The following ZNF618 variants were observed in gnomAD, a reference collection of about 807,000 sequenced individuals.
ZNF618 encodes neural precursor cell expressed, developmentally down-regulated 10.
A neutral mutation model predicts 103.0 loss-of-function variants in ZNF618; 34 were observed. The observed-to-expected ratio is 0.33, with a 90% CI of 0.25 to 0.44. The LOEUF (loss-of-function observed/expected upper bound fraction) is 0.44. Among genes scored for constraint, ZNF618 ranks in the 20% least tolerant of loss-of-function variants. The pLI is 1.00. For missense variants in ZNF618, 1,059 were observed against 1,295.4 expected, an observed-to-expected ratio of 0.82 and a Z score of 2.80; for synonymous variants, 551 against 542.2, an observed-to-expected ratio of 1.02 and a Z score of -0.23.
At chr9:113,920,470 CGGTTCATTGGAACTTCCACCTTCTA>C (rs1235139173) in intron 1 of ZNF618, among the ~76,000 whole-genome samples, 1 of 149,578 alleles carries the variant, frequency 6.7e-6, no homozygotes, top group African/African-American at 2.5e-5. Flanking sequence ...GGTGTGATCT[CGGTTCATTGGAACTTCCACCTTCTA>C]GGTTCAAGCG....
At chr9:113,895,703 G>A (rs1023331368) in intron 1 of ZNF618, among the ~76,000 whole-genome samples, 2 of 152,108 alleles carry the variant, frequency 1.3e-5, no homozygotes, top group African/African-American at 4.8e-5. Flanking sequence ...TTAGTGTTTT[G>A]TAAGAGTGTA....
intron 1 of ZNF618, among the ~76,000 whole-genome samples, chr9:113,900,934 C>T (rs1219658867): frequency 4.9e-5 from 3 of 60,944 alleles, no homozygotes; most frequent in Non-Finnish European, 9.5e-5. Context: ...TGTCTCCTAG[C>T]ACCGTCCTCT....
chr9:113,934,244 T>G (rs1408154990), intron 1 of ZNF618, among the ~76,000 whole-genome samples: 1 of 152,062 alleles, frequency 6.6e-6, no homozygotes, highest in African/African-American at 2.4e-5. Flanking sequence ...CTGGGCTTGA[T>G]GGACTTAGAC....
intron 1 of ZNF618, among the ~76,000 whole-genome samples, chr9:113,933,859 G>A (rs541867286): frequency 1.5e-4 from 23 of 152,152 alleles, no homozygotes; most frequent in South Asian, 1.5e-3. Context: ...GGCATGGCAG[G>A]GCAAGGGTGA....
At chr9:114,034,242 A>G (rs538085676) in intron 12 of ZNF618, among the ~76,000 whole-genome samples, 11 of 152,204 alleles carry the variant, frequency 7.2e-5, no homozygotes, top group African/African-American at 2.4e-4. Context: ...AATCCACCCA[A>G]CCTCTCCAAG....
At chr9:113,961,040 C>T (rs1020957024) in intron 1 of ZNF618, among the ~76,000 whole-genome samples, 1 of 152,214 alleles carries the variant, frequency 6.6e-6, no homozygotes, top group Admixed American at 6.5e-5. Flanking sequence ...CTGCCCTGCA[C>T]GAGGTGCATG....
chr9:114,029,021 T>C, intron 11 of ZNF618, 49 bp downstream of exon 11: 1 of 1,522,258 alleles, frequency 6.6e-7, no homozygotes, highest in Non-Finnish European at 8.8e-7. Context: ...ACTGCCCTTC[T>C]CACCACCTGC....
In ZNF618 at chr9:114,050,098, C is replaced by T; in HGVS notation, c.2796C>T (p.Ile932=). The T allele has an allele frequency of 6.2e-7, 1 of 1,609,742 alleles. No individual in the cohort carries two copies. Among genetic ancestry groups the T allele is most frequent in the Non-Finnish European group, 8.5e-7 (1 of 1,178,536 alleles). Reference sequence around the variant, plus strand: ...ATATGTGTGAACAAGCGCTTCTAATCAAACGGAGGCGGCTGCTCAGTCCAG... The same window carrying T: ...ATATGTGTGAACAAGCGCTTCTAATTAAACGGAGGCGGCTGCTCAGTCCAG... ...CVNMCEQALL[I]KRRRLLSPED... Residue 932 remains isoleucine (I), a synonymous_variant, in exon 15 of 15, where the codon ATC becomes ATT. Coordinates refer to ENST00000374126, the MANE Select transcript of ZNF618 (RefSeq NM_001318042.2).
At chr9:113,941,670 T>C (rs1834559789) in intron 1 of ZNF618, among the ~76,000 whole-genome samples, 1 of 152,232 alleles carries the variant, frequency 6.6e-6, no homozygotes, top group African/African-American at 2.4e-5. Flanking sequence ...AATACTAGAC[T>C]GAGTCTTACT....
chr9:113,979,635 A>G (rs1223883384), intron 2 of ZNF618, among the ~76,000 whole-genome samples: 1 of 152,244 alleles, frequency 6.6e-6, no homozygotes, highest in East Asian at 1.9e-4. Context: ...CAGAGGCTAC[A>G]GGTGCCTCCA....
chr9:113,902,996 A>C lies in ZNF618; in HGVS notation c.33+26583A>C, dbSNP rs541830294. ...GAGGCCTTTTTTATGATGTGTACCC[A>C]GGTGTGGAATTTAGGATAGAATGAA... is the stretch of plus-strand genomic sequence containing the variant. On this transcript the variant is annotated intron_variant, in intron 1 of 14. Coordinates refer to ENST00000374126, the MANE Select transcript of ZNF618 (RefSeq NM_001318042.2). Among the ~76,000 whole-genome samples the C allele has an allele frequency of 2.8e-4, 42 of 152,250 alleles. No individual in the cohort carries two copies. The South Asian group carries it at 4.8e-3, about 17-fold the overall frequency.
rs552894504 is a variant in ZNF618 at position 113,947,465 on chromosome 9, A to G, written c.34-21652A>G. ...ACACCAGCCAGGTCCTCCTGCTAAC[A>G]TGTTCCTTGAGATGTCCATCTTATT... On this transcript the variant is annotated intron_variant, in intron 1 of 14. Coordinates refer to ENST00000374126, the MANE Select transcript of ZNF618 (RefSeq NM_001318042.2). 1.9e-4 allele frequency among the ~76,000 whole-genome samples: 29 copies of G among 152,306 alleles called. No individual in the cohort carries two copies. The East Asian group carries it at 5.4e-3, about 28-fold the overall frequency.
intron 1 of ZNF618, among the ~76,000 whole-genome samples, chr9:113,951,519 A>ATATGTGTATG (rs1215942538): frequency 1.6e-5 from 1 of 62,596 alleles, no homozygotes; most frequent in African/African-American, 5.5e-5. Flanking sequence ...ATGTGTGTAT[A>ATATGTGTATG]TGTACACATA....
At chr9:113,879,381 TTTTTTTTTTTTTTCTG>T (rs1356248642) in intron 1 of ZNF618, among the ~76,000 whole-genome samples, 66 of 112,210 alleles carry the variant, frequency 5.9e-4, no homozygotes, top group African/African-American at 3.5e-3. Context: ...TGTAGAACTG[TTTTTTTTTTTTTTCTG>T]TTTTTTTTTT....
At chr9:114,031,804 G>A (rs950142445) in intron 11 of ZNF618, among the ~76,000 whole-genome samples, 1 of 152,032 alleles carries the variant, frequency 6.6e-6, no homozygotes, top group Non-Finnish European at 1.5e-5. Context: ...GGTTCCCTGA[G>A]GTCTTTATCT....
intron 2 of ZNF618, among the ~76,000 whole-genome samples, chr9:113,985,057 C>G (rs1421991747): frequency 6.6e-6 from 1 of 152,238 alleles, no homozygotes; most frequent in African/African-American, 2.4e-5. Context: ...AGGTAGATAA[C>G]AATGAAACAT....
chr9:113,901,130 A>T lies in ZNF618; in HGVS notation c.33+24717A>T, dbSNP rs187480533. On this transcript the variant is annotated intron_variant, in intron 1 of 14. Coordinates refer to ENST00000374126, the MANE Select transcript of ZNF618 (RefSeq NM_001318042.2). ...CAAACCCGACCTCCTGTCTCCTAGC[A>T]CCGTCTTCTCCCGCGAACCCGAGCT... Among the ~76,000 whole-genome samples the T allele has an allele frequency of 7.4e-5, 11 of 148,446 alleles. No homozygotes were observed. The East Asian group carries it at 2.3e-3, about 30-fold the overall frequency.
intron 13 of ZNF618, among the ~76,000 whole-genome samples, chr9:114,043,996 G>C (rs1448943184): frequency 6.6e-6 from 1 of 152,138 alleles, no homozygotes; most frequent in Non-Finnish European, 1.5e-5. Flanking sequence ...CCCACTCTAT[G>C]GGTTATCTGT....
chr9:113,900,046 G>A (rs74834923), intron 1 of ZNF618, among the ~76,000 whole-genome samples: 7,528 of 151,982 alleles, frequency 0.05, 281 homozygotes, highest in African/African-American at 0.097. Context: ...TTGACAAACT[G>A]CCATTTCTAT....
Sources: allele counts gnomAD v4.1 joint callset (sites outside exome capture counted in the v4.1 genomes callset), GRCh38; gene constraint gnomAD v4.1.1; transcripts MANE v1.5; gene names NCBI Gene and HGNC (gene_info 2026-07-23, HGNC 2026-07-21).